NIBAN1: variants seen among roughly 807,000 people sequenced by gnomAD.
NIBAN1 encodes niban apoptosis regulator 1.
Under a neutral mutation model 75.1 loss-of-function variants are expected in NIBAN1, and 81 were observed. The ratio of observed to expected loss-of-function variants is 1.08; its 90% CI spans 0.90 to 1.30. The LOEUF (loss-of-function observed/expected upper bound fraction) is 1.30. NIBAN1 is among the 50% of genes most tolerant of loss of function. NIBAN1 has a pLI of 0.00. For missense variants in NIBAN1, 1,133 were observed against 1,128.1 expected (o/e 1.00, Z -0.06); for synonymous variants, 436 against 424.8 (o/e 1.03, Z -0.32).
At chr1:184,915,319 A>G (rs1657356560) in intron 1 of NIBAN1, among the ~76,000 whole-genome samples, 2 of 152,252 alleles carry the variant, frequency 1.3e-5, no homozygotes, top group African/African-American at 4.8e-5. Context: ...TATATTCAAT[A>G]GCATTGTAAT....
chr1:184,946,022 T>C (rs1174050519), intron 1 of NIBAN1, among the ~76,000 whole-genome samples: 1 of 149,360 alleles, frequency 6.7e-6, no homozygotes, highest in Admixed American at 6.7e-5. Flanking sequence ...AAAGAGGGGC[T>C]CCTCAAGAAC....
At chr1:184,891,094 G>A (rs985313533) in intron 3 of NIBAN1, among the ~76,000 whole-genome samples, 2 of 152,100 alleles carry the variant, frequency 1.3e-5, no homozygotes, top group African/African-American at 4.8e-5. Context: ...TCAGAGTAAC[G>A]ATAACACGTT....
At chr1:184,861,073 A>G (rs1342146867) in intron 5 of NIBAN1, among the ~76,000 whole-genome samples, 2 of 152,234 alleles carry the variant, frequency 1.3e-5, no homozygotes, top group African/African-American at 2.4e-5. Flanking sequence ...AAAATAGTAA[A>G]CATTGTAGGC....
chr1:184,918,266 ACTGGTTCAGGC>A (rs879689947), intron 1 of NIBAN1, among the ~76,000 whole-genome samples: 5 of 152,054 alleles, frequency 3.3e-5, no homozygotes, highest in Admixed American at 3.3e-4. Flanking sequence ...GCCACCAACG[ACTGGTTCAGGC>A]CCTCGTCTCT....
In NIBAN1 at chr1:184,959,672, T is replaced by C. The variant is rs147972565; in HGVS notation, c.55+14630A>G. The stretch of plus-strand genomic sequence containing the variant: ...TATTCAAGCAGGCAGTTAAGTTACT[T>C]GGGATCAGTTTGATCTGTTTGAGGT... On this transcript the variant is annotated intron_variant, in intron 1 of 13. Coordinates refer to ENST00000367511, the MANE Select transcript of NIBAN1 (RefSeq NM_052966.4). Among the ~76,000 whole-genome samples the C allele has an allele frequency of 9.8e-4, 149 of 152,356 alleles. 1 individual carries two copies. Among genetic ancestry groups the C allele is most frequent in the Non-Finnish European group, 1.2e-3 (83 of 68,042 alleles).
At chr1:184,810,504 T>C (rs1436595408) in intron 9 of NIBAN1, among the ~76,000 whole-genome samples, 1 of 152,244 alleles carries the variant, frequency 6.6e-6, no homozygotes, top group Non-Finnish European at 1.5e-5. Context: ...ATTTTAGTCC[T>C]TGTGGATGAA....
At chr1:184,880,654 G>A (rs1030160850) in intron 5 of NIBAN1, among the ~76,000 whole-genome samples, 32 of 152,176 alleles carry the variant, frequency 2.1e-4, no homozygotes, top group African/African-American at 7.0e-4. Context: ...ATCCTGAGCT[G>A]GAAGAACAGA....
At chr1:184,825,263 G>A (rs989690456) in intron 6 of NIBAN1, among the ~76,000 whole-genome samples, 1 of 152,178 alleles carries the variant, frequency 6.6e-6, no homozygotes, top group Non-Finnish European at 1.5e-5. Context: ...GAGAGTCTAA[G>A]CAAATGAAGA....
intron 1 of NIBAN1, among the ~76,000 whole-genome samples, chr1:184,931,161 G>A (rs747713440): frequency 4.0e-5 from 6 of 151,800 alleles, no homozygotes; most frequent in Non-Finnish European, 8.8e-5. Flanking sequence ...TACCCTACCC[G>A]GCTAGTTTTT....
intron 5 of NIBAN1, among the ~76,000 whole-genome samples, chr1:184,873,479 C>T (rs923764335): frequency 3.3e-5 from 5 of 152,174 alleles, no homozygotes; most frequent in Admixed American, 6.5e-5. Flanking sequence ...CCATGAGAAA[C>T]GTGCCCTCCT....
At chr1:184,864,558 T>C (rs1655899017) in intron 5 of NIBAN1, among the ~76,000 whole-genome samples, 1 of 152,110 alleles carries the variant, frequency 6.6e-6, no homozygotes, top group African/African-American at 2.4e-5. Context: ...GAAGAAATGT[T>C]GTTTGGGTTC....
chr1:184,970,758 T>C (rs1658914709), intron 1 of NIBAN1, among the ~76,000 whole-genome samples: 1 of 152,206 alleles, frequency 6.6e-6, no homozygotes, highest in African/African-American at 2.4e-5. Context: ...GTTTATCCCA[T>C]GGTTTTCAGC....
intron 1 of NIBAN1, among the ~76,000 whole-genome samples, chr1:184,969,070 G>A (rs2102093034): frequency 6.6e-6 from 1 of 152,240 alleles, no homozygotes; most frequent in South Asian, 2.1e-4. Context: ...ACATCCCATT[G>A]GCCATAACTC....
intron 1 of NIBAN1, among the ~76,000 whole-genome samples, chr1:184,964,362 A>T (rs1480937149): frequency 2.0e-5 from 3 of 152,238 alleles, no homozygotes; most frequent in Admixed American, 2.0e-4. Flanking sequence ...CTCATGTGAG[A>T]AAAAGCATGC....
intron 1 of NIBAN1, among the ~76,000 whole-genome samples, chr1:184,970,558 A>G (rs1176027258): frequency 1.3e-5 from 2 of 152,218 alleles, no homozygotes; most frequent in African/African-American, 2.4e-5. Context: ...TGAGAAAAAT[A>G]TGTGCTATTT....
chr1:184,839,545 C>CTGTGTGTGTG (rs113049406), intron 5 of NIBAN1, among the ~76,000 whole-genome samples: 1 of 148,634 alleles, frequency 6.7e-6, no homozygotes, highest in Non-Finnish European at 1.5e-5. Flanking sequence ...ACATGCATTC[C>CTGTGTGTGTG]TGTGTGTGTG....
Position 184,853,601 on chromosome 1 carries a change from A to G in NIBAN1, c.602-21639T>C, listed in dbSNP as rs139203364. On this transcript the variant is annotated intron_variant, in intron 5 of 13. Coordinates refer to ENST00000367511, the MANE Select transcript of NIBAN1 (RefSeq NM_052966.4). ...TTTGTTCCTTACTTCCAGTGAGAGT[A>G]GATGGCATCTCAGACCAACTGGTTG... 7.1e-3 allele frequency among the ~76,000 whole-genome samples: 1,078 copies of G among 152,336 alleles called. 13 individuals carry two copies. The highest frequency in any genetic ancestry group is 7.0e-3 in the Non-Finnish European group (474 of 68,028).
intron 5 of NIBAN1, among the ~76,000 whole-genome samples, chr1:184,841,357 T>A (rs1034527672): frequency 2.0e-5 from 3 of 152,268 alleles, no homozygotes; most frequent in Admixed American, 2.0e-4. Flanking sequence ...GCATGTAAGG[T>A]TGAGCCTCAT....
intron 1 of NIBAN1, among the ~76,000 whole-genome samples, chr1:184,949,231 G>A (rs934829779): frequency 1.1e-4 from 17 of 152,120 alleles, no homozygotes; most frequent in East Asian, 3.9e-4. Context: ...GGTGGCGGGC[G>A]CCTATAGTCC....
Sources: allele counts gnomAD v4.1 joint callset (sites outside exome capture counted in the v4.1 genomes callset), GRCh38; gene constraint gnomAD v4.1.1; transcripts MANE v1.5; gene names NCBI Gene and HGNC (gene_info 2026-07-23, HGNC 2026-07-21).